Variants in C4orf50 observed in about 807,000 individuals in gnomAD.
C4orf50 encodes chromosome 4 open reading frame 50, also known as uncharacterized protein C4orf50.
In C4orf50, 80 loss-of-function variants were observed where a neutral mutation model predicts 77.2. The observed-to-expected ratio is 1.04, with a 90% confidence interval of 0.87 to 1.25. The LOEUF is 1.25. C4orf50 is among the 50% of genes most tolerant of loss of function. C4orf50 has a pLI of 0.00. For synonymous variants in C4orf50, 532 were observed against 465.3 expected (o/e 1.14, Z -1.84); for missense variants, 1,257 against 1,152.9 (o/e 1.09, Z -1.31).
rs1025813147 is a variant in C4orf50, at chr4:5,926,336, C to A, written c.*2475-28148G>T. On this transcript the variant is annotated intron_variant, in intron 7 of 7. Transcript: ENST00000324058. ...GACGCTAGGTGAAAGGAAACAGACA[C>A]GAAGGCCACGTGGTGCATGATTCTC... Among the ~76,000 whole-genome samples the A allele has an allele frequency of 4.6e-5, 7 of 152,240 alleles. No homozygotes were observed. The South Asian group carries it at 1.5e-3, about 32-fold the overall frequency.
In C4orf50 at chr4:5,967,436, A is replaced by G. The variant is rs114377651; in HGVS notation, c.4131T>C (p.Ser1377=). 155 of 1,614,052 alleles carry G rather than the reference A, an allele frequency of 9.6e-5. No individual in the cohort carries two copies. In the Middle Eastern group the frequency reaches 1.3e-3, roughly 14 times the overall value. Reference sequence around the variant, plus strand: ...GACCTCTTAAAGCTGCCGTCATCTCAGACTTGACGTCCAGGTGGTGGCTTG... The same window carrying G: ...GACCTCTTAAAGCTGCCGTCATCTCGGACTTGACGTCCAGGTGGTGGCTTG... The change falls in exon 32 of 34, where the codon TCT becomes TCC. Residue 1377 remains serine (S), a synonymous_variant. Transcript: ENST00000531445.
rs924471854 is a variant in C4orf50, at chr4:5,989,073, T to C, written c.2973A>G (p.Lys991=). 22 of 1,535,970 alleles carry C rather than the reference T, an allele frequency of 1.4e-5. No individual in the cohort carries two copies. The African/African-American group carries it at 3.0e-4, about 21-fold the overall frequency. ...TTGCCTGTAAATATTGATCCAGTTC[T>C]TTCTTTAACTGAGAGATGTCCCCTA... The change falls in exon 28 of 34, where the codon AAA becomes AAG. Residue 991 remains lysine, a synonymous_variant. Transcript: ENST00000531445.
At chr4:5,934,857 T>G (rs35506275) in intron 7 of C4orf50, among the ~76,000 whole-genome samples, 90,145 of 152,170 alleles carry the variant, frequency 0.59, 27,570 homozygotes, top group African/African-American at 0.67. Flanking sequence ...TAGCCTGAGA[T>G]GCAGCCTGGT....
intron 7 of C4orf50, among the ~76,000 whole-genome samples, chr4:5,907,795 TA>T (rs1472658684): frequency 1.3e-5 from 2 of 152,012 alleles, no homozygotes; most frequent in African/African-American, 2.4e-5. Flanking sequence ...GTCTTGGGCA[TA>T]AAAGAGAGAA....
At chr4:5,988,769 G>C in exon 28 of C4orf50, 1 of 1,536,116 alleles carries the variant, frequency 6.5e-7, no homozygotes, top group South Asian at 1.2e-5. Context: ...ACCCTGCGTA[G>C]AAGGTGCTCG....
intron 32 of C4orf50, among the ~76,000 whole-genome samples, chr4:5,965,968 C>A (rs575302126): frequency 6.6e-6 from 1 of 152,130 alleles, no homozygotes; most frequent in Non-Finnish European, 1.5e-5. Flanking sequence ...ACCATCCAGA[C>A]GTTCTACACG....
At chr4:5,990,101 C>T (rs1053332886) in exon 28 of C4orf50, 1 of 1,288,804 alleles carries the variant, frequency 7.8e-7, no homozygotes, top group Non-Finnish European at 9.8e-7. Context: ...ACGTATCCTT[C>T]CACCCTTTCC....
chr4:5,936,332 C>T (rs1215653063), intron 7 of C4orf50, among the ~76,000 whole-genome samples: 10 of 151,944 alleles, frequency 6.6e-5, no homozygotes, highest in Admixed American at 2.6e-4. Context: ...GAGGCCGAGG[C>T]GGGTGGATCA....
Position 6,008,411 on chromosome 4 carries a change from G to A in C4orf50, c.548C>T (p.Thr183Ile). ...CACCAGGCCCAGCTGGCGCCGCTGG[G>A]TCCGCCGGCAGCGCTCCAGGGCCGC... Residue 183 changes from threonine to isoleucine, a missense_variant, in exon 25 of 34, where the codon ACC becomes ATC. Coordinates refer to ENST00000531445, the Ensembl canonical transcript of C4orf50. This position sits in a 1 kb window ranked among gnomAD's most constrained non-coding sequence, Gnocchi z 6.0. 4 of 394,986 alleles carry A rather than the reference G, an allele frequency of 1.0e-5. No individual in the cohort carries two copies. The highest frequency in any genetic ancestry group is 1.3e-5 in the Non-Finnish European group (3 of 223,766). The allele number at this position is 394,986 out of a possible 1,614,324, so 24.5% of individuals were successfully genotyped here.
intron 33 of C4orf50, among the ~76,000 whole-genome samples, chr4:5,963,370 A>T (rs1719381937): frequency 1.3e-5 from 2 of 152,158 alleles, no homozygotes; most frequent in South Asian, 4.1e-4. Context: ...CCTAGGAATG[A>T]TCAAAGCTTT....
chr4:6,001,285 G>C (rs895956554), intron 25 of C4orf50, among the ~76,000 whole-genome samples: 5 of 152,228 alleles, frequency 3.3e-5, no homozygotes, highest in African/African-American at 1.2e-4. Context: ...GAGTAGCTGG[G>C]ATTACAGGCG....
intron 7 of C4orf50, among the ~76,000 whole-genome samples, chr4:5,924,273 C>G (rs937901962): frequency 6.6e-6 from 1 of 152,158 alleles, no homozygotes; most frequent in Non-Finnish European, 1.5e-5. Flanking sequence ...TTTAGAGAAC[C>G]CTGACTAATA....
chr4:5,943,721 C>T (rs754722648), intron 7 of C4orf50, among the ~76,000 whole-genome samples: 23 of 152,186 alleles, frequency 1.5e-4, no homozygotes, highest in Admixed American at 2.6e-4. Context: ...ACACCCAAGA[C>T]GTAGAAGTCA....
intron 7 of C4orf50, among the ~76,000 whole-genome samples, chr4:5,931,107 A>G (rs947261521): frequency 1.3e-5 from 2 of 152,192 alleles, no homozygotes; most frequent in African/African-American, 4.8e-5. Flanking sequence ...AGGTCACTGG[A>G]ATCCAACTCT....
At chr4:5,941,518 G>A (rs1315322811) in intron 7 of C4orf50, among the ~76,000 whole-genome samples, 1 of 152,174 alleles carries the variant, frequency 6.6e-6, no homozygotes, top group Non-Finnish European at 1.5e-5. Context: ...AAGACGATAG[G>A]TAGAGAGAAA....
intron 23 of C4orf50, among the ~76,000 whole-genome samples, chr4:6,016,337 T>C (rs1267652900): frequency 1.3e-5 from 2 of 152,070 alleles, no homozygotes; most frequent in Middle Eastern, 3.2e-3. Flanking sequence ...TCGCTTGAGG[T>C]CAGACGTTCG....
intron 28 of C4orf50, 102 bp downstream of exon 6, chr4:5,988,245 G>C: frequency 7.0e-7 from 1 of 1,431,804 alleles, no homozygotes; most frequent in East Asian, 2.3e-5. Flanking sequence ...GAGGATGATT[G>C]TACCTCCCTC....
intron 30 of C4orf50, 24 bp from the exon 9 acceptor site, chr4:5,973,865 T>C: frequency 1.3e-6 from 2 of 1,582,520 alleles, no homozygotes; most frequent in Non-Finnish European, 8.6e-7. Context: ...AGGCCATGGA[T>C]GCAGAGCTCC....
chr4:5,952,456 A>G (rs191614813), downstream of C4orf50, among the ~76,000 whole-genome samples: 2 of 152,340 alleles, frequency 1.3e-5, no homozygotes, highest in African/African-American at 4.8e-5. The surrounding 1 kb of genome is among the most constrained non-coding windows in gnomAD (Gnocchi z 4.4). Flanking sequence ...GGCGAAGCGC[A>G]TGAGCACTGA....
Sources: gnomAD v4.1 joint callset for allele counts (sites outside exome capture counted in the v4.1 genomes callset) on GRCh38, gnomAD v4.1.1 for gene constraint, Gnocchi (gnomAD v3.1) non-coding constraint, MANE v1.5 for transcripts, NCBI Gene and HGNC (gene_info 2026-07-23, HGNC 2026-07-21) for gene names.